UQCRC1: variants seen among roughly 807,000 people sequenced by gnomAD.
UQCRC1 encodes cytochrome b-c1 complex subunit 1, mitochondrial.
UQCRC1 carries 34 observed loss-of-function variants against 58.0 expected under a neutral mutation model. The observed-to-expected ratio is 0.59, with a 90% CI of 0.45 to 0.78. The LOEUF is 0.78. UQCRC1 is among the 30% of genes least tolerant of loss of function. UQCRC1 has a pLI of 0.00. For missense variants in UQCRC1, 610 were observed against 646.0 expected, an observed-to-expected ratio of 0.94 and a Z score of 0.60; for synonymous variants, 276 against 248.8, an observed-to-expected ratio of 1.11 and a Z score of -1.03.
At position 48,604,414 on chromosome 3, in the gene UQCRC1, C is replaced by T. The variant is rs138659063; in HGVS notation, c.445G>A (p.Asp149Asn). Reference sequence around the variant, plus strand: ...TCCAGACTACAGTTCTGCACAATGTCACCCAGGAGCTCCACAGCTAGATGC... The same window carrying T: ...TCCAGACTACAGTTCTGCACAATGTTACCCAGGAGCTCCACAGCTAGATGC... ...DLPKAVELLG[D>N]IVQNCSLEDS... The change falls in exon 5 of 13, where the codon GAC becomes AAC. Residue 149 changes from aspartate to asparagine, a missense_variant. Coordinates refer to ENST00000203407, the MANE Select transcript of UQCRC1 (RefSeq NM_003365.3). 1.6e-5 allele frequency: 26 copies of T among 1,613,942 alleles called. No individual in the cohort carries two copies. The African/African-American group carries it at 3.2e-4, about 20-fold the overall frequency.
At chr3:48,607,288 G>C (rs1181568828) in intron 2 of UQCRC1, among the ~76,000 whole-genome samples, 1 of 152,096 alleles carries the variant, frequency 6.6e-6, no homozygotes, top group Non-Finnish European at 1.5e-5. Context: ...TGATTCGCCC[G>C]CCTCGGCCTC....
Position 48,604,734 on chromosome 3 carries a change from C to A in UQCRC1, c.344G>T (p.Ser115Ile). 1 of 1,614,134 alleles carries A rather than the reference C, an allele frequency of 6.2e-7. No homozygotes were observed. The highest frequency in any genetic ancestry group is 8.5e-7 in the Non-Finnish European group (1 of 1,180,026). ...GTAGGCATTAAGATGGGCCCCCATG[C>A]TCTCCACCTCCTTCTCCAGGGCACT... ...PGSALEKEVE[S>I]MGAHLNAYST... The change falls in exon 4 of 13, where the codon AGC becomes ATC. Residue 115 changes from serine (S) to isoleucine (I), a missense_variant. Transcript: ENST00000203407.
At position 48,600,564 on chromosome 3, in the gene UQCRC1, C is replaced by A; in HGVS notation, c.1131G>T (p.Met377Ile). ...TCTCCGTGGCACTGGTACACAGGCG[C>A]ATCCTAAAGTGGGGGGGTGGGTGGT... ...DMMFVLQGQW[M>I]RLCTSATESE... Residue 377 changes from methionine (M) to isoleucine (I), a missense_variant, in exon 10 of 13, where the codon ATG becomes ATT. Transcript: ENST00000203407. 1 of 1,614,126 alleles carries A rather than the reference C, an allele frequency of 6.2e-7. No individual in the cohort carries two copies. The highest frequency in any genetic ancestry group is 1.3e-5 in the African/African-American group (1 of 75,018).
At chr3:48,607,417 C>T (rs963704141) in intron 2 of UQCRC1, among the ~76,000 whole-genome samples, 3 of 152,148 alleles carry the variant, frequency 2.0e-5, no homozygotes, top group Non-Finnish European at 2.9e-5. Flanking sequence ...CCTCGTGATC[C>T]GCCTGCCTCG....
intron 2 of UQCRC1, 73 bp downstream of exon 2, chr3:48,609,089 G>T: frequency 6.5e-7 from 1 of 1,542,592 alleles, no homozygotes; most frequent in Non-Finnish European, 8.8e-7. Context: ...CGAGCCCAAG[G>T]TCACACCCCA....
rs2046351034 is a variant in UQCRC1 at position 48,600,170 on chromosome 3, G to A, written c.1214-19C>T. 1 of 1,613,504 alleles carries A rather than the reference G, an allele frequency of 6.2e-7. No homozygotes were observed. Among genetic ancestry groups the A allele is most frequent in the Non-Finnish European group, 8.5e-7 (1 of 1,179,640 alleles). The stretch of plus-strand genomic sequence containing the variant: ...GTAGTGCCTTTAAGGGTGAGAGAAG[G>A]CTCAGAGGTCCACCCAGCCCAATCC... On this transcript the variant is annotated intron_variant, in intron 10 of 12. Transcript: ENST00000203407.
chr3:48,608,424 T>C (rs1255900852), intron 2 of UQCRC1, among the ~76,000 whole-genome samples: 2 of 152,252 alleles, frequency 1.3e-5, no homozygotes, highest in African/African-American at 4.8e-5. Context: ...AGACAGCTCC[T>C]TACAATCTAG....
At chr3:48,600,250 G>A in intron 10 of UQCRC1, 99 bp from the exon 11 acceptor site, 1 of 1,348,118 alleles carries the variant, frequency 7.4e-7, no homozygotes, top group Non-Finnish European at 1.0e-6. Flanking sequence ...GGACCTCCCT[G>A]ACCTCATGCT....
At position 48,609,609 on chromosome 3, in the gene UQCRC1, G is replaced by A. The variant is rs1349892526; in HGVS notation, c.12C>T (p.Ser4=). The change falls in exon 1 of 13, where the codon TCC becomes TCT. Residue 4 remains serine, a synonymous_variant. Transcript: ENST00000203407. ...CGGCGGTAGCGGCCCGACAGACCAC[G>A]GACGCCGCCATCTTCCAGCTGCAGT... is the stretch of plus-strand genomic sequence containing the variant. MAA[S]VVCRAATAGA... The A allele has an allele frequency of 2.6e-6, 4 of 1,568,530 alleles. No individual in the cohort carries two copies. Among genetic ancestry groups the A allele is most frequent in the East Asian group, 2.4e-5 (1 of 42,512 alleles).
intron 6 of UQCRC1, 78 bp downstream of exon 6, chr3:48,603,486 G>C (rs2046383908): frequency 2.1e-6 from 3 of 1,450,832 alleles, no homozygotes; most frequent in South Asian, 2.4e-5. Context: ...GGTCCCCTAT[G>C]GTGGGAACCA....
rs773581560 is a variant in UQCRC1, at chr3:48,601,362, G to A, written c.812C>T (p.Thr271Ile). Residue 271 changes from threonine (T) to isoleucine (I), a missense_variant, in exon 7 of 13, where the codon ACT (threonine) becomes ATT (isoleucine). By Grantham distance (89) the Thr-to-Ile change is moderately conservative. Transcript: ENST00000203407. ...CAAAAGGCAGCATACCTCACTGCCAGTGAAGCGGCATGGAGTAAGAGTGGG... is the reference window on the plus strand; with the variant it reads ...CAAAAGGCAGCATACCTCACTGCCAATGAAGCGGCATGGAGTAAGAGTGGG... ...AVPTLTPCRF[T>I]GSEIRHRDDA... 1 of 1,614,054 alleles carries A rather than the reference G, an allele frequency of 6.2e-7. No individual in the cohort carries two copies. The highest frequency in any genetic ancestry group is 8.5e-7 in the Non-Finnish European group (1 of 1,180,028).
rs1191948267 is a variant in UQCRC1, at chr3:48,603,628, T to C, written c.642A>G (p.Ala214=). Residue 214 remains alanine, a synonymous_variant, in exon 6 of 13, where the codon GCA becomes GCG. Coordinates refer to ENST00000203407, the MANE Select transcript of UQCRC1 (RefSeq NM_003365.3). ...GTGTGCTGAGGTACTCGGTCAAGTC[T>C]GCACGAGACAGCTTCCTACAAGACA... ...PSENVRKLSR[A]DLTEYLSTHY... is the part of the protein sequence containing the mutation. 6.2e-7 allele frequency: 1 copy of C among 1,613,960 alleles called. No individual in the cohort carries two copies. Among genetic ancestry groups the C allele is most frequent in the East Asian group, 2.2e-5 (1 of 44,876 alleles).
chr3:48,609,014 G>C, intron 2 of UQCRC1, 148 bp downstream of exon 2: 3 of 1,071,962 alleles, frequency 2.8e-6, no homozygotes, highest in Non-Finnish European at 1.3e-6. Context: ...GGCTAGGGTA[G>C]GGAATGGGGC....
rs371109527 is a variant in UQCRC1, at chr3:48,600,463, G to T, written c.1213+19C>A. On this transcript the variant is annotated intron_variant, in intron 10 of 12. Transcript: ENST00000203407. Reference sequence around the variant, plus strand: ...GGCAAGATGTACTCTACCCCTCCCCGCTGAGCTGTAGGACTCACCATCTAG... The same window carrying T: ...GGCAAGATGTACTCTACCCCTCCCCTCTGAGCTGTAGGACTCACCATCTAG... The T allele has an allele frequency of 1.5e-5, 25 of 1,613,824 alleles. No individual in the cohort carries two copies. The East Asian group carries it at 3.3e-4, about 22-fold the overall frequency.
intron 5 of UQCRC1, 124 bp from the exon 6 acceptor site, chr3:48,603,767 G>T: frequency 1.1e-6 from 1 of 897,148 alleles, no homozygotes; most frequent in Non-Finnish European, 1.8e-6. Flanking sequence ...GTGGGCCCTA[G>T]CACACTCCCC....
At position 48,603,645 on chromosome 3, in the gene UQCRC1, T is replaced by A; in HGVS notation, c.627-2A>T. 1 of 1,613,574 alleles carries A rather than the reference T, an allele frequency of 6.2e-7. No homozygotes were observed. Among genetic ancestry groups the A allele is most frequent in the Non-Finnish European group, 8.5e-7 (1 of 1,179,778 alleles). The stretch of plus-strand genomic sequence containing the variant: ...GTCAAGTCTGCACGAGACAGCTTCC[T>A]ACAAGACATATGGTCAGTGTGTCAA... On this transcript the variant is annotated splice_acceptor_variant, in intron 5 of 12. Transcript: ENST00000203407. LOFTEE classifies it high-confidence loss of function.
chr3:48,602,663 T>C (rs1425300860), intron 6 of UQCRC1, among the ~76,000 whole-genome samples: 8 of 151,828 alleles, frequency 5.3e-5, no homozygotes, highest in South Asian at 2.1e-4. Flanking sequence ...GCTGGGATTA[T>C]AGGCAACTGC....
intron 6 of UQCRC1, among the ~76,000 whole-genome samples, chr3:48,602,100 G>C (rs1384194643): frequency 1.3e-5 from 2 of 151,400 alleles, no homozygotes; most frequent in East Asian, 3.9e-4. Flanking sequence ...GCCCAGGCTG[G>C]AGCACAGTGG....
rs181443725 is a variant in UQCRC1, at chr3:48,609,377, C to T, written c.70-75G>A. The T allele has an allele frequency of 2.6e-5, 40 of 1,545,508 alleles. No individual in the cohort carries two copies. The African/African-American group carries it at 4.8e-4, about 19-fold the overall frequency. The stretch of plus-strand genomic sequence containing the variant: ...CCACCTCCCAGGTCCTCAGGAGGAC[C>T]CCCGAACCCCGCCCCTAGGCAAGCG... On this transcript the variant is annotated intron_variant, in intron 1 of 12. Transcript: ENST00000203407.
Sources: allele counts gnomAD v4.1 joint callset (sites outside exome capture counted in the v4.1 genomes callset), GRCh38; gene constraint gnomAD v4.1.1; transcripts MANE v1.5; gene names NCBI Gene and HGNC (gene_info 2026-07-23, HGNC 2026-07-21).